The following TLL1 variants were observed in gnomAD, a reference collection of about 807,000 sequenced individuals.
The protein encoded by TLL1 is tolloid like 1, also known as tolloid-like protein 1.
A neutral mutation model predicts 128.2 loss-of-function variants in TLL1; 49 were observed. The observed-to-expected ratio is 0.38, with a 90% CI of 0.30 to 0.48. The LOEUF (loss-of-function observed/expected upper bound fraction) is 0.48, where lower values mean the gene tolerates loss of function less well. Among genes scored for constraint, TLL1 ranks in the 20% least tolerant of loss-of-function variants. The pLI is 0.96. For synonymous variants in TLL1, 454 were observed against 418.8 expected, an observed-to-expected ratio of 1.08 and a Z score of -1.03; for missense variants, 1,123 against 1,242.0, an observed-to-expected ratio of 0.90 and a Z score of 1.44.
intron 1 of TLL1, among the ~76,000 whole-genome samples, chr4:165,945,661 T>C (rs1734212501): frequency 6.6e-6 from 1 of 152,086 alleles, no homozygotes; most frequent in Admixed American, 6.6e-5. Flanking sequence ...TATAAATGAT[T>C]ATAATAAAAA....
intron 5 of TLL1, among the ~76,000 whole-genome samples, chr4:166,002,314 A>G (rs1737208048): frequency 6.6e-6 from 1 of 152,150 alleles, no homozygotes; most frequent in South Asian, 2.1e-4. Context: ...TTCAAATACT[A>G]TCACCATGAA....
At chr4:166,034,467 T>C (rs1420234887) in intron 9 of TLL1, among the ~76,000 whole-genome samples, 4 of 147,716 alleles carry the variant, frequency 2.7e-5, no homozygotes, top group Non-Finnish European at 6.1e-5. Flanking sequence ...GGCAGCAAAA[T>C]TGGGTTATGA....
chr4:165,925,523 T>C (rs922902063), intron 1 of TLL1, among the ~76,000 whole-genome samples: 1 of 152,204 alleles, frequency 6.6e-6, no homozygotes, highest in African/African-American at 2.4e-5. Flanking sequence ...GAATTGTTTC[T>C]TATGGATGAG....
intron 9 of TLL1, among the ~76,000 whole-genome samples, chr4:166,027,828 A>G (rs1485542086): frequency 6.6e-6 from 1 of 152,090 alleles, no homozygotes; most frequent in East Asian, 1.9e-4. Context: ...TGGGAAAAAC[A>G]TTTCTCCTGT....
At chr4:166,074,733 C>T (rs1024717367) in intron 16 of TLL1, 145 bp from the exon 17 acceptor site, 15 of 950,848 alleles carry the variant, frequency 1.6e-5, no homozygotes, top group Admixed American at 1.2e-4. Context: ...AGAGATCATA[C>T]ATTTTTGTTT....
intron 1 of TLL1, among the ~76,000 whole-genome samples, chr4:165,925,757 G>A (rs1733242234): frequency 6.6e-6 from 1 of 152,090 alleles, no homozygotes. Flanking sequence ...AGAGTCAATT[G>A]ATGTGACAAA....
intron 1 of TLL1, among the ~76,000 whole-genome samples, chr4:165,982,042 A>G (rs1335921457): frequency 1.3e-5 from 2 of 152,068 alleles, no homozygotes; most frequent in Admixed American, 6.6e-5. Flanking sequence ...GTCTGTTATC[A>G]GTGCTAACAG....
intron 8 of TLL1, among the ~76,000 whole-genome samples, chr4:166,016,465 A>T (rs1049451248): frequency 6.6e-6 from 1 of 152,038 alleles, no homozygotes; most frequent in African/African-American, 2.4e-5. Flanking sequence ...GAAAGTCAGG[A>T]AGAATAAAAA....
In TLL1 at chr4:166,101,258, CAGGTCG is replaced by C. The variant is rs1360639381; in HGVS notation, c.*383_*388del. On this transcript the variant is annotated 3_prime_UTR_variant, in exon 21 of 21. Transcript: ENST00000061240. The stretch of plus-strand genomic sequence containing the variant: ...GATTTAGGGACATAAAATGATCTTG[CAGGTCG>C]TAAACTGGAAAACAGTATTTTGGTT... 3.5e-6 allele frequency: 1 copy of C among 283,396 alleles called. No individual in the cohort carries two copies. The highest frequency in any genetic ancestry group is 2.3e-5 in the African/African-American group (1 of 44,394). 17.6% of individuals were successfully genotyped at this position (283,396 alleles called of 1,614,324 possible).
chr4:166,000,362 T>C (rs1216464471), intron 5 of TLL1, among the ~76,000 whole-genome samples: 4 of 152,214 alleles, frequency 2.6e-5, no homozygotes, highest in Non-Finnish European at 4.4e-5. Flanking sequence ...CTTTAATTAG[T>C]TGGGGATCAA....
At chr4:166,062,022 G>C (rs1425315341) in intron 15 of TLL1, among the ~76,000 whole-genome samples, 5 of 152,040 alleles carry the variant, frequency 3.3e-5, no homozygotes, top group Admixed American at 3.3e-4. Flanking sequence ...AAGATCAGAT[G>C]GTTGTAGATG....
At chr4:165,889,942 G>A (rs1817312) in intron 1 of TLL1, among the ~76,000 whole-genome samples, 37,930 of 152,000 alleles carry the variant, frequency 0.25, 5,740 homozygotes, top group East Asian at 0.51. Context: ...AGACCTACCC[G>A]AGACTGAATA....
chr4:166,076,229 T>C (rs150193196), intron 17 of TLL1, among the ~76,000 whole-genome samples: 10,962 of 152,130 alleles, frequency 0.072, 736 homozygotes, highest in African/African-American at 0.17. Flanking sequence ...CACACCACCA[T>C]GCCTGGCTAA....
chr4:166,008,260 T>C (rs1737529860), intron 7 of TLL1, among the ~76,000 whole-genome samples: 1 of 151,550 alleles, frequency 6.6e-6, no homozygotes, highest in South Asian at 2.1e-4. Flanking sequence ...ACCAAATATA[T>C]GAATTTAATA....
intron 1 of TLL1, among the ~76,000 whole-genome samples, chr4:165,914,022 C>CA (rs113774671): frequency 0.058 from 8,106 of 140,370 alleles, 635 homozygotes; most frequent in African/African-American, 0.18. Flanking sequence ...ACCTTGTCTC[C>CA]AAAAAAAAAA....
chr4:166,029,695 T>C (rs549446516), intron 9 of TLL1, among the ~76,000 whole-genome samples: 2 of 152,188 alleles, frequency 1.3e-5, no homozygotes, highest in South Asian at 4.1e-4. Context: ...TGCCTGGCAA[T>C]CATCATTCTA....
chr4:166,044,545 T>C, intron 12 of TLL1: 1 of 960,492 alleles, frequency 1.0e-6, no homozygotes, highest in Non-Finnish European at 1.5e-6. Context: ...CTTTAATCAT[T>C]ATGTTGTATT....
intron 12 of TLL1, among the ~76,000 whole-genome samples, chr4:166,045,016 G>T (rs1391469142): frequency 2.0e-5 from 3 of 151,918 alleles, no homozygotes; most frequent in South Asian, 4.1e-4. Flanking sequence ...GAAAAGATAT[G>T]CACCTCAGGC....
Position 165,939,528 on chromosome 4 carries a change from A to G in TLL1, c.170-49853A>G, listed in dbSNP as rs1288970107. 2.0e-5 allele frequency among the ~76,000 whole-genome samples: 3 copies of G among 152,040 alleles called. No individual in the cohort carries two copies. The East Asian group carries it at 5.8e-4, about 29-fold the overall frequency. ...GACATTTTTTTCAACAGATTTTCAA[A>G]TGACCCACTGTTTTTCACAGCGAGC... On this transcript the variant is annotated intron_variant, in intron 1 of 20. Transcript: ENST00000061240.
Sources: gnomAD v4.1 joint callset for allele counts (sites outside exome capture counted in the v4.1 genomes callset) on GRCh38, gnomAD v4.1.1 for gene constraint, MANE v1.5 for transcripts, NCBI Gene and HGNC (gene_info 2026-07-23, HGNC 2026-07-21) for gene names.